The following SH3BP4 variants were observed in gnomAD, a reference collection of about 807,000 sequenced individuals.
SH3BP4 encodes the protein SH3 domain-binding protein 4.
A neutral mutation model predicts 65.5 loss-of-function variants in SH3BP4; 33 were observed. The ratio of observed to expected loss-of-function variants is 0.50; its 90% CI spans 0.38 to 0.67. SH3BP4 has a LOEUF of 0.67. Among genes scored for constraint, SH3BP4 ranks in the 30% least tolerant of loss-of-function variants. The pLI is 0.00. For synonymous variants in SH3BP4, 552 were observed against 545.5 expected (o/e 1.01, Z -0.17); for missense variants, 1,134 against 1,261.4 (o/e 0.90, Z 1.53).
chr2:235,008,279 C>T (rs1473909990), intron 2 of SH3BP4, among the ~76,000 whole-genome samples: 1 of 152,104 alleles, frequency 6.6e-6, no homozygotes, highest in African/African-American at 2.4e-5. Context: ...GTTGGGACAG[C>T]CCCTTGGTGG....
chr2:234,999,779 G>C lies in SH3BP4; in HGVS notation c.-133+4403G>C, dbSNP rs551003226. Among the ~76,000 whole-genome samples the C allele has an allele frequency of 8.7e-4, 132 of 152,320 alleles. 1 individual carries two copies. The highest frequency in any genetic ancestry group is 3.1e-3 in the African/African-American group (130 of 41,586). ...GAATGATCCAGAAAGAGAGCACAGTGAATCTTCTCAAACTTTGAGAAATGA... is the reference window on the plus strand; with the variant it reads ...GAATGATCCAGAAAGAGAGCACAGTCAATCTTCTCAAACTTTGAGAAATGA... On this transcript the variant is annotated intron_variant, in intron 2 of 5. Transcript: ENST00000392011.
At chr2:234,971,183 C>T (rs993519050) in intron 1 of SH3BP4, among the ~76,000 whole-genome samples, 2 of 152,260 alleles carry the variant, frequency 1.3e-5, no homozygotes, top group Non-Finnish European at 2.9e-5. Flanking sequence ...CTCTTGGCAC[C>T]CACCATTCCA....
chr2:235,013,676 C>T (rs1029642384), intron 2 of SH3BP4, among the ~76,000 whole-genome samples: 1 of 152,160 alleles, frequency 6.6e-6, no homozygotes, highest in Admixed American at 6.5e-5. Context: ...CCAGGGTCTC[C>T]GTTCTGCTCT....
chr2:235,023,826 C>T lies in SH3BP4; in HGVS notation c.-132-11045C>T, dbSNP rs1257295731. Among the ~76,000 whole-genome samples the T allele has an allele frequency of 2.6e-5, 4 of 152,004 alleles. No individual in the cohort carries two copies. In the South Asian group the frequency reaches 8.3e-4, roughly 32 times the overall value. On this transcript the variant is annotated intron_variant, in intron 2 of 5. Transcript: ENST00000392011. ...TGGATTTTCCATTCTATTAAATAGC[C>T]TAAGAAGAATTGTAATGGCTGCACA... is the stretch of plus-strand genomic sequence containing the variant.
At chr2:234,998,792 C>T (rs1385547660) in intron 2 of SH3BP4, among the ~76,000 whole-genome samples, 4 of 152,188 alleles carry the variant, frequency 2.6e-5, no homozygotes, top group African/African-American at 7.2e-5. Context: ...TCCCCATGGC[C>T]TTCGATCTGT....
chr2:234,979,383 G>A (rs1253703058), intron 1 of SH3BP4: 1 of 152,164 alleles, frequency 6.6e-6, no homozygotes, highest in Non-Finnish European at 1.5e-5. Flanking sequence ...CTGTTTTTTA[G>A]TTTTATCACA....
chr2:235,019,572 G>A (rs765972535), intron 2 of SH3BP4, among the ~76,000 whole-genome samples: 1 of 151,768 alleles, frequency 6.6e-6, no homozygotes, highest in African/African-American at 2.4e-5. Flanking sequence ...GAGTAGCTGG[G>A]ATTACAGGCA....
At chr2:234,993,922 C>T (rs1258352249) in intron 1 of SH3BP4, among the ~76,000 whole-genome samples, 1 of 152,104 alleles carries the variant, frequency 6.6e-6, no homozygotes, top group Non-Finnish European at 1.5e-5. Flanking sequence ...TGTCTCTTCC[C>T]ACCCTTTGTT....
intron 3 of SH3BP4, among the ~76,000 whole-genome samples, chr2:235,036,387 G>C (rs772092646): frequency 4.1e-4 from 63 of 152,304 alleles, no homozygotes; most frequent in Non-Finnish European, 4.9e-4. Flanking sequence ...GCTGGAACTT[G>C]TGAGCATAAA....
intron 1 of SH3BP4, among the ~76,000 whole-genome samples, chr2:234,964,979 A>G (rs1407529884): frequency 1.3e-5 from 2 of 152,126 alleles, no homozygotes; most frequent in Non-Finnish European, 2.9e-5. Flanking sequence ...CGTGTAGCAG[A>G]GTCGGTCTCC....
intron 2 of SH3BP4, among the ~76,000 whole-genome samples, chr2:235,024,357 G>T (rs184712535): frequency 6.6e-6 from 1 of 152,196 alleles, no homozygotes; most frequent in Non-Finnish European, 1.5e-5. Flanking sequence ...GTGTGTTGGC[G>T]CTTTTTCAGC....
At position 235,008,311 on chromosome 2, in the gene SH3BP4, C is replaced by G. The variant is rs115234320; in HGVS notation, c.-133+12935C>G. Among the ~76,000 whole-genome samples the G allele has an allele frequency of 3.1e-3, 474 of 152,288 alleles. 3 individuals carry two copies. Among genetic ancestry groups the G allele is most frequent in the African/African-American group, 0.011 (467 of 41,554 alleles). ...GTGGGAGGGAGGCCCTTTGATGCAG[C>G]TGGGGCTCTGTGGTCGCCTGGCATG... On this transcript the variant is annotated intron_variant, in intron 2 of 5. Coordinates refer to ENST00000392011, the MANE Select transcript of SH3BP4 (RefSeq NM_014521.3).
At chr2:234,994,218 G>T (rs1013084478) in intron 1 of SH3BP4, among the ~76,000 whole-genome samples, 1 of 152,160 alleles carries the variant, frequency 6.6e-6, no homozygotes, top group Non-Finnish European at 1.5e-5. Context: ...TGAGAGGGGG[G>T]ATCTGTGCTC....
At chr2:234,979,456 A>G (rs957248317) in intron 1 of SH3BP4, 1 of 152,212 alleles carries the variant, frequency 6.6e-6, no homozygotes, top group African/African-American at 2.4e-5. Flanking sequence ...ACATGGAATC[A>G]TGCAGTATCT....
intron 2 of SH3BP4, among the ~76,000 whole-genome samples, chr2:235,023,058 T>C (rs1464211470): frequency 1.3e-5 from 2 of 152,146 alleles, no homozygotes; most frequent in Non-Finnish European, 2.9e-5. Context: ...AAAATGACTT[T>C]CCCCAAATCA....
rs1486835091 is a variant in SH3BP4 at position 235,042,776 on chromosome 2, C to G, written c.2007C>G (p.Asn669Lys). The G allele has an allele frequency of 1.2e-6, 2 of 1,614,164 alleles. No individual in the cohort carries two copies. Among genetic ancestry groups the G allele is most frequent in the Non-Finnish European group, 1.7e-6 (2 of 1,180,040 alleles). Reference sequence around the variant, plus strand: ...TGCTCAAGACTGTGGTGCGGCAGAACAAGAACCACTACCTGCTGGAGTACA... The same window carrying G: ...TGCTCAAGACTGTGGTGCGGCAGAAGAAGAACCACTACCTGCTGGAGTACA... The part of the protein sequence containing the change: ...GKLLKTVVRQ[N>K]KNHYLLEYKK... Residue 669 changes from asparagine to lysine, a missense_variant, in exon 4 of 6, where the codon AAC becomes AAG. Physicochemically the swap from Asn to Lys is moderately conservative, Grantham distance 94 (BLOSUM62 0). Transcript: ENST00000392011. The surrounding 1 kb of genome is among the most constrained non-coding windows in gnomAD (Gnocchi z 7.3).
chr2:235,013,924 C>A (rs1694602934), intron 2 of SH3BP4, among the ~76,000 whole-genome samples: 1 of 152,006 alleles, frequency 6.6e-6, no homozygotes, highest in South Asian at 2.1e-4. Context: ...TAATATTAAC[C>A]CCCTCCTAGG....
At position 234,956,326 on chromosome 2, in the gene SH3BP4, C is replaced by T. The variant is rs571654186; in HGVS notation, c.-207+4156C>T. 3.9e-5 allele frequency among the ~76,000 whole-genome samples: 6 copies of T among 152,192 alleles called. No individual in the cohort carries two copies. The South Asian group carries it at 1.2e-3, about 32-fold the overall frequency. On this transcript the variant is annotated intron_variant, in intron 1 of 5. Transcript: ENST00000392011. ...GAATGAGATTAAGATTATAGGAAGG[C>T]GGTTAAGTAAATGTACAATAAGGGT...
intron 2 of SH3BP4, among the ~76,000 whole-genome samples, chr2:235,010,606 G>A (rs557283445): frequency 1.3e-5 from 2 of 152,308 alleles, no homozygotes; most frequent in Admixed American, 1.3e-4. Context: ...CCCTAGGGCT[G>A]CTGTAACACA....
Sources: allele counts gnomAD v4.1 joint callset (sites outside exome capture counted in the v4.1 genomes callset), GRCh38; gene constraint gnomAD v4.1.1; non-coding constraint Gnocchi (gnomAD v3.1); transcripts MANE v1.5; gene names NCBI Gene and HGNC (gene_info 2026-07-23, HGNC 2026-07-21).